The following HTR1F variants were observed in gnomAD, a reference collection of about 807,000 sequenced individuals.
HTR1F encodes 5-hydroxytryptamine receptor 1F, also known as 5-hydroxytryptamine (serotonin) receptor 1F, G protein-coupled.
HTR1F carries 17 observed loss-of-function variants against 24.0 expected under a neutral mutation model. The ratio of observed to expected loss-of-function variants is 0.71; its 90% CI spans 0.48 to 1.06. HTR1F has a LOEUF of 1.06. HTR1F is among the 50% of genes least tolerant of loss of function. HTR1F has a pLI of 0.00. For synonymous variants in HTR1F, 186 were observed against 156.8 expected (o/e 1.19, Z -1.39); for missense variants, 391 against 427.8 (o/e 0.91, Z 0.76).
intron 2 of HTR1F, among the ~76,000 whole-genome samples, chr3:87,911,613 G>C (rs1419119686): frequency 1.3e-5 from 2 of 151,876 alleles, no homozygotes. Context: ...AAATGTGGCA[G>C]AGACACAACA....
intron 2 of HTR1F, among the ~76,000 whole-genome samples, chr3:87,846,675 G>A (rs919830302): frequency 6.6e-6 from 1 of 151,912 alleles, no homozygotes; most frequent in Non-Finnish European, 1.5e-5. Context: ...TGCAGTGCTG[G>A]AACTGGGAAG....
intron 2 of HTR1F, among the ~76,000 whole-genome samples, chr3:87,925,356 C>A (rs1704100933): frequency 6.6e-6 from 1 of 152,024 alleles, no homozygotes; most frequent in Non-Finnish European, 1.5e-5. Flanking sequence ...TTCTTGGGTT[C>A]TAGGGGATGT....
intron 2 of HTR1F, among the ~76,000 whole-genome samples, chr3:87,927,243 G>T (rs1402112121): frequency 6.6e-6 from 1 of 152,134 alleles, no homozygotes; most frequent in African/African-American, 2.4e-5. Context: ...TTAAAAGACA[G>T]TTATGTCCTG....
intron 2 of HTR1F, among the ~76,000 whole-genome samples, chr3:87,865,524 C>T (rs902272559): frequency 1.3e-5 from 2 of 152,106 alleles, no homozygotes; most frequent in African/African-American, 4.8e-5. Context: ...GTTACCATCA[C>T]TACTTAATTT....
intron 2 of HTR1F, among the ~76,000 whole-genome samples, chr3:87,931,804 G>A (rs7426501): frequency 0.41 from 58,115 of 140,552 alleles, 13,158 homozygotes; most frequent in African/African-American, 0.59. Context: ...GCCAGTGATG[G>A]TGAGCATTTC....
chr3:87,990,720 C>A lies in HTR1F; in HGVS notation c.-30C>A, dbSNP rs774434564. 75 of 1,542,710 alleles carry A rather than the reference C, an allele frequency of 4.9e-5. No homozygotes were observed. Among genetic ancestry groups the A allele is most frequent in the Non-Finnish European group, 5.9e-5 (67 of 1,126,702 alleles). On this transcript the variant is annotated 5_prime_UTR_variant, in exon 3 of 3. An upstream open reading frame in the 5' UTR gains an earlier in-frame stop. Coordinates refer to ENST00000319595, the MANE Select transcript of HTR1F (RefSeq NM_001322209.2). Reference sequence around the variant, plus strand: ...TCCCTTGTTACAGGTATCCATTTTTCAGCTATATTAATCTTTTAAAACAAA... The same window carrying A: ...TCCCTTGTTACAGGTATCCATTTTTAAGCTATATTAATCTTTTAAAACAAA...
chr3:87,850,230 T>C (rs2107202984), intron 2 of HTR1F, among the ~76,000 whole-genome samples: 1 of 151,992 alleles, frequency 6.6e-6, no homozygotes, highest in South Asian at 2.1e-4. Context: ...AATGATAGAC[T>C]GGACTAAGAA....
chr3:87,929,673 A>G (rs192230835), intron 2 of HTR1F, among the ~76,000 whole-genome samples: 1 of 152,260 alleles, frequency 6.6e-6, no homozygotes, highest in African/African-American at 2.4e-5. Context: ...CTGTTCTTGT[A>G]GCAGGACCAT....
intron 1 of HTR1F, among the ~76,000 whole-genome samples, chr3:87,803,823 G>A (rs1380189058): frequency 6.6e-6 from 1 of 152,096 alleles, no homozygotes; most frequent in African/African-American, 2.4e-5. Flanking sequence ...AGAATAAACT[G>A]ATCATTTTTA....
chr3:87,862,273 T>G (rs1360222157), intron 2 of HTR1F, among the ~76,000 whole-genome samples: 1 of 152,232 alleles, frequency 6.6e-6, no homozygotes, highest in African/African-American at 2.4e-5. Flanking sequence ...TCTTGGTTGA[T>G]AAGTTACCAA....
intron 2 of HTR1F, among the ~76,000 whole-genome samples, chr3:87,896,700 A>T (rs1456755670): frequency 6.6e-6 from 1 of 152,238 alleles, no homozygotes; most frequent in Non-Finnish European, 1.5e-5. Flanking sequence ...CAAAATTTAT[A>T]AAGAATGCAT....
chr3:87,973,633 G>C (rs1705333669), intron 2 of HTR1F, among the ~76,000 whole-genome samples: 1 of 152,100 alleles, frequency 6.6e-6, no homozygotes, highest in Non-Finnish European at 1.5e-5. Flanking sequence ...GGGATTTCAA[G>C]AGATCCAGGC....
intron 2 of HTR1F, among the ~76,000 whole-genome samples, chr3:87,933,588 T>G (rs1158075044): frequency 1.3e-5 from 2 of 151,862 alleles, no homozygotes; most frequent in East Asian, 3.9e-4. Context: ...AAATCATGAG[T>G]GAACTCCCAT....
At chr3:87,813,983 C>G (rs1296447029) in intron 1 of HTR1F, among the ~76,000 whole-genome samples, 1 of 151,886 alleles carries the variant, frequency 6.6e-6, no homozygotes, top group Non-Finnish European at 1.5e-5. Context: ...CAGTGCTAAA[C>G]AGACTAAAAC....
intron 2 of HTR1F, among the ~76,000 whole-genome samples, chr3:87,909,454 T>C (rs988415915): frequency 1.3e-5 from 2 of 151,998 alleles, no homozygotes; most frequent in African/African-American, 4.8e-5. Context: ...CTCTGCTTAA[T>C]ATAAAAGCAG....
At chr3:87,861,367 A>G (rs1705315006) in intron 2 of HTR1F, among the ~76,000 whole-genome samples, 1 of 152,146 alleles carries the variant, frequency 6.6e-6, no homozygotes, top group African/African-American at 2.4e-5. Flanking sequence ...TAATTAAATT[A>G]TAAAATGAGG....
At chr3:87,874,414 C>T (rs368652968) in intron 2 of HTR1F, among the ~76,000 whole-genome samples, 2 of 152,108 alleles carry the variant, frequency 1.3e-5, no homozygotes, top group East Asian at 3.9e-4. Context: ...GAATAAAATA[C>T]TTGGGAATAA....
intron 2 of HTR1F, among the ~76,000 whole-genome samples, chr3:87,875,036 A>G (rs1705639107): frequency 6.6e-6 from 1 of 152,256 alleles, no homozygotes; most frequent in Non-Finnish European, 1.5e-5. Context: ...AACTATTAGA[A>G]GAAAACATAG....
At chr3:87,901,299 T>G (rs1340095576) in intron 2 of HTR1F, among the ~76,000 whole-genome samples, 1 of 152,066 alleles carries the variant, frequency 6.6e-6, no homozygotes, top group Non-Finnish European at 1.5e-5. Flanking sequence ...ATTGAACTCA[T>G]GAGATTGGGC....
Sources: allele counts gnomAD v4.1 joint callset (sites outside exome capture counted in the v4.1 genomes callset), GRCh38; gene constraint gnomAD v4.1.1; transcripts MANE v1.5; gene names NCBI Gene and HGNC (gene_info 2026-07-23, HGNC 2026-07-21).